Variants in MYO16 observed in about 807,000 individuals in gnomAD.
MYO16 encodes the protein myosin XVI.
A neutral mutation model predicts 205.3 loss-of-function variants in MYO16; 94 were observed. That is an observed-to-expected ratio of 0.46 (90% CI 0.39 to 0.54). MYO16 has a LOEUF of 0.54. Ranked by LOEUF, MYO16 falls within the 20% of genes least tolerant of loss-of-function variation. The pLI, the probability that MYO16 is intolerant of heterozygous loss-of-function variation, is 0.00. For synonymous variants in MYO16, 988 were observed against 954.0 expected (o/e 1.04, Z -0.66); for missense variants, 2,315 against 2,387.5 (o/e 0.97, Z 0.63).
chr13:109,060,631 T>C (rs1250331642), intron 27 of MYO16, among the ~76,000 whole-genome samples: 4 of 152,164 alleles, frequency 2.6e-5, no homozygotes, highest in Admixed American at 2.6e-4. Context: ...TGCACATGTA[T>C]CCCAGAACTT....
intron 11 of MYO16, among the ~76,000 whole-genome samples, chr13:108,860,744 G>A (rs1431848584): frequency 6.6e-6 from 1 of 152,142 alleles, no homozygotes. Context: ...CTAACCATAA[G>A]CAGAAGAGTG....
chr13:108,625,835 A>C (rs1033037713), upstream of MYO16, among the ~76,000 whole-genome samples: 1 of 152,228 alleles, frequency 6.6e-6, no homozygotes, highest in African/African-American at 2.4e-5. Context: ...TGCAAACTTT[A>C]GTTTTAATTT....
chr13:108,624,392 A>G (rs1879655147), intron 1 of MYO16, among the ~76,000 whole-genome samples: 1 of 152,204 alleles, frequency 6.6e-6, no homozygotes, highest in African/African-American at 2.4e-5. Context: ...TTGAAGAACA[A>G]GGCAAAGAAT....
At chr13:109,194,834 C>T (rs1480449724) in intron 34 of MYO16, among the ~76,000 whole-genome samples, 1 of 151,958 alleles carries the variant, frequency 6.6e-6, no homozygotes, top group Non-Finnish European at 1.5e-5. Context: ...TTTTTTCTCT[C>T]TAAAGAAAGT....
chr13:108,935,681 C>T (rs903654548), intron 16 of MYO16, among the ~76,000 whole-genome samples: 1 of 152,118 alleles, frequency 6.6e-6, no homozygotes, highest in Non-Finnish European at 1.5e-5. Context: ...TGTTGAGAGT[C>T]GGCATCATTG....
intron 13 of MYO16, 108 bp from the exon 14 acceptor site, chr13:108,888,264 C>A: frequency 1.5e-6 from 1 of 672,772 alleles, no homozygotes; most frequent in African/African-American, 1.8e-5. Flanking sequence ...GAAATATCTC[C>A]AGTTAATTTT....
chr13:108,928,582 C>A (rs1406635997), intron 16 of MYO16, among the ~76,000 whole-genome samples: 2 of 152,080 alleles, frequency 1.3e-5, no homozygotes, highest in East Asian at 3.8e-4. Context: ...AGTAAATATA[C>A]AAATGACTGA....
At chr13:109,179,512 T>C (rs746419270) in intron 33 of MYO16, 30 bp from the exon 34 acceptor site, 4 of 1,474,596 alleles carry the variant, frequency 2.7e-6, no homozygotes, top group East Asian at 4.5e-5. Flanking sequence ...GAGACACTGC[T>C]TAACTCCCGA....
intron 1 of MYO16, among the ~76,000 whole-genome samples, chr13:108,599,680 C>T (rs532631796): frequency 3.9e-5 from 6 of 152,176 alleles, no homozygotes; most frequent in East Asian, 1.9e-4. Flanking sequence ...ATCAAATGCC[C>T]GCTGTGAGGT....
At chr13:108,624,389 A>C (rs796115148) in intron 1 of MYO16, among the ~76,000 whole-genome samples, 25 of 152,320 alleles carry the variant, frequency 1.6e-4, no homozygotes, top group African/African-American at 4.3e-4. Context: ...TGATTGAAGA[A>C]CAAGGCAAAG....
At chr13:108,963,119 C>T (rs1333801507) in intron 19 of MYO16, among the ~76,000 whole-genome samples, 2 of 152,224 alleles carry the variant, frequency 1.3e-5, no homozygotes, top group African/African-American at 4.8e-5. Context: ...ACTCAGTGAA[C>T]AAAGAGAGTG....
At chr13:108,844,292 G>T in intron 9 of MYO16, 51 bp from the exon 10 acceptor site, 1 of 1,506,018 alleles carries the variant, frequency 6.6e-7, no homozygotes, top group Non-Finnish European at 9.0e-7. Context: ...ATTTTCGATT[G>T]ATAAAACATT....
chr13:108,666,028 G>A lies in MYO16; in HGVS notation c.171G>A (p.Glu57=). 6.2e-7 allele frequency: 1 copy of A among 1,614,160 alleles called. No homozygotes were observed. The highest frequency in any genetic ancestry group is 8.5e-7 in the Non-Finnish European group (1 of 1,179,996). ...CEQIKAYYER[E]KAFQKQEGFL... ...AAATCAAAGCCTACTATGAGCGCGA[G>A]AAGGCTTTTCAGAAGCAGGAAGGGT... The change falls in exon 2 of 35, where the codon GAG becomes GAA. Residue 57 remains glutamate, a synonymous_variant. Coordinates refer to ENST00000457511, the MANE Select transcript of MYO16 (RefSeq NM_001198950.3).
At chr13:108,733,138 G>A (rs547110574) in intron 4 of MYO16, among the ~76,000 whole-genome samples, 1 of 152,308 alleles carries the variant, frequency 6.6e-6, no homozygotes, top group East Asian at 1.9e-4. Context: ...AGAGACATGT[G>A]AGTGTGTGTG....
chr13:108,868,660 C>A (rs563400447), intron 12 of MYO16, among the ~76,000 whole-genome samples: 2 of 151,906 alleles, frequency 1.3e-5, no homozygotes, highest in African/African-American at 4.8e-5. Context: ...CGGTGGCTCA[C>A]GCCTGTAATC....
At chr13:109,012,882 T>A (rs1003039297) in intron 22 of MYO16, among the ~76,000 whole-genome samples, 3 of 152,006 alleles carry the variant, frequency 2.0e-5, no homozygotes, top group Admixed American at 6.5e-5. Context: ...CTTCAAACTT[T>A]CTTCTAGGTC....
intron 34 of MYO16, among the ~76,000 whole-genome samples, chr13:109,203,726 A>T (rs1468444950): frequency 6.6e-6 from 1 of 152,170 alleles, no homozygotes. Flanking sequence ...ATGTTTTAAG[A>T]TGAGACTGGT....
intron 22 of MYO16, among the ~76,000 whole-genome samples, chr13:109,009,528 GT>G (rs1885521531): frequency 6.6e-6 from 1 of 152,116 alleles, no homozygotes; most frequent in Admixed American, 6.5e-5. Flanking sequence ...ATCTGCAGGT[GT>G]TTATAGTTTT....
intron 22 of MYO16, among the ~76,000 whole-genome samples, chr13:109,010,526 C>T (rs1431277): frequency 0.017 from 2,567 of 152,186 alleles, 75 homozygotes; most frequent in African/African-American, 0.059. Context: ...TGTCTATCTC[C>T]TTTATACTGA....
Sources: gnomAD v4.1 joint callset for allele counts (sites outside exome capture counted in the v4.1 genomes callset) on GRCh38, gnomAD v4.1.1 for gene constraint, MANE v1.5 for transcripts, NCBI Gene and HGNC (gene_info 2026-07-23, HGNC 2026-07-21) for gene names.